ABCC4: variants seen among roughly 807,000 people sequenced by gnomAD.
The protein encoded by ABCC4 is ATP-binding cassette sub-family C member 4.
A neutral mutation model predicts 168.5 loss-of-function variants in ABCC4; 102 were observed. The ratio of observed to expected loss-of-function variants is 0.61; its 90% CI spans 0.52 to 0.71. ABCC4 has a LOEUF of 0.71. Among genes scored for constraint, ABCC4 ranks in the 30% least tolerant of loss-of-function variants. The probability of loss-of-function intolerance (pLI) is 0.00; values close to 1 mark genes in which losing one functional copy is unlikely to be tolerated. For synonymous variants in ABCC4, 617 were observed against 590.7 expected (o/e 1.04, Z -0.65); for missense variants, 1,402 against 1,605.8 (o/e 0.87, Z 2.17).
intron 19 of ABCC4, among the ~76,000 whole-genome samples, chr13:95,158,358 AGAGTCACT>A: frequency 6.6e-6 from 1 of 152,178 alleles, no homozygotes; most frequent in Non-Finnish European, 1.5e-5. Flanking sequence ...GCTGCAGACC[AGAGTCACT>A]GAGAATATTC....
At chr13:95,074,354 GA>G in intron 22 of ABCC4, 30 bp from the exon 23 acceptor site, 1 of 1,537,084 alleles carries the variant, frequency 6.5e-7, no homozygotes. Context: ...TAAGCATGAT[GA>G]ATAAGTAGAT....
At chr13:95,140,481 T>TA (rs1241571260) in intron 19 of ABCC4, among the ~76,000 whole-genome samples, 1 of 152,230 alleles carries the variant, frequency 6.6e-6, no homozygotes, top group Non-Finnish European at 1.5e-5. Context: ...TACAGATAGT[T>TA]AAAAAGATAT....
chr13:95,222,809 C>T (rs2039344151), intron 4 of ABCC4, among the ~76,000 whole-genome samples: 1 of 152,020 alleles, frequency 6.6e-6, no homozygotes, highest in Non-Finnish European at 1.5e-5. Flanking sequence ...AATTTTGCCT[C>T]CCAGGAGAGA....
chr13:95,288,076 A>C (rs2041306661), intron 1 of ABCC4, among the ~76,000 whole-genome samples: 1 of 152,042 alleles, frequency 6.6e-6, no homozygotes, highest in South Asian at 2.1e-4. Flanking sequence ...AATATTTTAT[A>C]ATGTATTTTT....
At chr13:95,169,550 C>T (rs1487886898) in intron 14 of ABCC4, among the ~76,000 whole-genome samples, 1 of 152,182 alleles carries the variant, frequency 6.6e-6, no homozygotes, top group African/African-American at 2.4e-5. Context: ...GACCCCACTG[C>T]CAGTCCCCTG....
intron 1 of ABCC4, among the ~76,000 whole-genome samples, chr13:95,251,523 T>C (rs1274460051): frequency 1.3e-5 from 2 of 152,164 alleles, no homozygotes; most frequent in African/African-American, 4.8e-5. Flanking sequence ...AACCCTAAAA[T>C]TATAGTCTAT....
intron 20 of ABCC4, among the ~76,000 whole-genome samples, chr13:95,083,736 TG>T (rs1415851525): frequency 1.3e-5 from 2 of 152,122 alleles, no homozygotes; most frequent in Non-Finnish European, 2.9e-5. Context: ...TTGGCCAGGC[TG>T]GTCTCGAACT....
At chr13:95,241,870 A>AAGTATAT (rs2039953242) in intron 3 of ABCC4, among the ~76,000 whole-genome samples, 1 of 152,202 alleles carries the variant, frequency 6.6e-6, no homozygotes, top group Admixed American at 6.5e-5. Flanking sequence ...AGCTTAGTTA[A>AAGTATAT]GAGTATATGG....
At chr13:95,269,197 A>T (rs982298108) in intron 1 of ABCC4, 3 of 441,080 alleles carry the variant, frequency 6.8e-6, no homozygotes, top group Non-Finnish European at 1.4e-5. Context: ...TGGGAAGCAT[A>T]GAATTTGTAG....
intron 1 of ABCC4, among the ~76,000 whole-genome samples, chr13:95,283,247 CT>C (rs1195340687): frequency 7.9e-5 from 12 of 151,490 alleles, no homozygotes; most frequent in African/African-American, 2.7e-4. Flanking sequence ...AAAACTGGTC[CT>C]GTGGCAGTGG....
chr13:95,128,866 A>C (rs2035870339), intron 19 of ABCC4, among the ~76,000 whole-genome samples: 1 of 152,214 alleles, frequency 6.6e-6, no homozygotes, highest in African/African-American at 2.4e-5. Context: ...TTGGCTGATA[A>C]TTCCCAAAGA....
intron 19 of ABCC4, among the ~76,000 whole-genome samples, chr13:95,120,150 C>T (rs1377721709): frequency 6.6e-6 from 1 of 152,188 alleles, no homozygotes; most frequent in Non-Finnish European, 1.5e-5. Flanking sequence ...TCTTAGGTGC[C>T]ACATCTGACC....
chr13:95,267,244 G>T (rs1476912208), intron 1 of ABCC4, among the ~76,000 whole-genome samples: 4 of 152,042 alleles, frequency 2.6e-5, no homozygotes, highest in African/African-American at 9.7e-5. Flanking sequence ...GGCCTCGGTG[G>T]GAGGCAACTG....
intron 20 of ABCC4, among the ~76,000 whole-genome samples, chr13:95,087,120 C>A (rs961977672): frequency 3.3e-5 from 5 of 150,270 alleles, no homozygotes; most frequent in African/African-American, 1.2e-4. Context: ...AAAAATTGCC[C>A]ACTAGTTTTT....
chr13:95,134,305 G>T (rs2036070980), intron 19 of ABCC4, among the ~76,000 whole-genome samples: 1 of 152,180 alleles, frequency 6.6e-6, no homozygotes, highest in Non-Finnish European at 1.5e-5. Context: ...TACTTCCAGG[G>T]GATGTGTTTC....
intron 11 of ABCC4, among the ~76,000 whole-genome samples, chr13:95,181,435 C>A (rs773794163): frequency 2.6e-5 from 4 of 152,234 alleles, no homozygotes; most frequent in Non-Finnish European, 4.4e-5. Context: ...CAGGGCCCAG[C>A]TCAAACTCTT....
chr13:95,030,937 AGCTTT>A (rs1370243834), intron 30 of ABCC4, among the ~76,000 whole-genome samples: 1 of 152,252 alleles, frequency 6.6e-6, no homozygotes, highest in Admixed American at 6.5e-5. Flanking sequence ...AGAGAGACTC[AGCTTT>A]GCCTGCACCA....
Position 95,074,296 on chromosome 13 carries a change from G to A in ABCC4, c.2835C>T (p.Ser945=). 1 of 1,613,572 alleles carries A rather than the reference G, an allele frequency of 6.2e-7. No individual in the cohort carries two copies. Among genetic ancestry groups the A allele is most frequent in the Non-Finnish European group, 8.5e-7 (1 of 1,179,802 alleles). ...CATCCAGACGGACGGCAAACCAGCG[G>A]GACGTTGTCAAAAACAAGAACCAAG... ...SEAWFLFLTT[S]RWFAVRLDAI... is the part of the protein sequence containing the mutation. The change falls in exon 23 of 31, where the codon TCC becomes TCT. Residue 945 remains serine, a synonymous_variant. Coordinates refer to ENST00000645237, the MANE Select transcript of ABCC4 (RefSeq NM_005845.5).
At chr13:95,054,072 G>T (rs577189830) in intron 26 of ABCC4, 84 of 96,074 alleles carry the variant, frequency 8.7e-4, no homozygotes, top group African/African-American at 4.2e-3. Flanking sequence ...TTGGCCAAAG[G>T]AGATCTAAAC....
Sources: gnomAD v4.1 joint callset for allele counts (sites outside exome capture counted in the v4.1 genomes callset) on GRCh38, gnomAD v4.1.1 for gene constraint, MANE v1.5 for transcripts, NCBI Gene and HGNC (gene_info 2026-07-23, HGNC 2026-07-21) for gene names.